The following ZPBP variants were observed in gnomAD, a reference collection of about 807,000 sequenced individuals.
ZPBP encodes the protein zona pellucida-binding protein 1.
ZPBP carries 26 observed loss-of-function variants against 44.8 expected under a neutral mutation model. The ratio of observed to expected loss-of-function variants is 0.58; its 90% CI spans 0.43 to 0.81. The LOEUF is 0.81. Ranked by LOEUF, ZPBP falls within the 30% of genes least tolerant of loss-of-function variation. ZPBP has a pLI of 0.00. For missense variants in ZPBP, 409 were observed against 434.0 expected, an observed-to-expected ratio of 0.94 and a Z score of 0.51; for synonymous variants, 174 against 153.2, an observed-to-expected ratio of 1.14 and a Z score of -1.00.
At position 50,057,995 on chromosome 7, in the gene ZPBP, T is replaced by C. The variant is rs374608453; in HGVS notation, c.481A>G (p.Ile161Val). 3.7e-6 allele frequency: 6 copies of C among 1,609,176 alleles called. No homozygotes were observed. In the South Asian group the frequency reaches 4.4e-5, roughly 12 times the overall value. ...AACTAACTTTACTTCTTACCATATA[T>C]AGCATATTTTAGTTGAAGACGTTTA... is the stretch of plus-strand genomic sequence containing the variant. ...IVKRLQLKYAIYAYREPHYYY... is the reference protein window; with the variant it reads ...IVKRLQLKYAVYAYREPHYYY... The change falls in exon 4 of 8, where the codon ATA becomes GTA. Residue 161 changes from isoleucine (I) to valine (V), a missense_variant. This residue lies in a region of ZPBP where 367 missense variants were observed against 363.1 expected (regional missense o/e 1.01). Transcript: ENST00000046087.
chr7:49,919,559 T>TA, intron 1 of ZPBP: 1 of 152,282 alleles, frequency 6.6e-6, no homozygotes, highest in South Asian at 2.1e-4. Context: ...GAGGATTAAA[T>TA]AAAAAATCCT....
intron 2 of ZPBP, among the ~76,000 whole-genome samples, chr7:49,866,359 A>AC (rs1790890508): frequency 1.3e-5 from 2 of 151,920 alleles, no homozygotes; most frequent in Admixed American, 6.6e-5. Context: ...TGCTTTTCTA[A>AC]CCCCTGCCTT....
intron 2 of ZPBP, among the ~76,000 whole-genome samples, chr7:49,855,968 G>A (rs1314316942): frequency 1.3e-5 from 2 of 152,208 alleles, no homozygotes; most frequent in African/African-American, 4.8e-5. Context: ...GTTTGCTGCT[G>A]TGAGAAAGGG....
chr7:49,889,743 A>G (rs1792051913), intron 2 of ZPBP, among the ~76,000 whole-genome samples: 1 of 152,214 alleles, frequency 6.6e-6, no homozygotes, highest in South Asian at 2.1e-4. Flanking sequence ...CTTATTGGAA[A>G]TAAACAACAA....
chr7:49,895,571 A>G (rs1425642469), intron 2 of ZPBP, among the ~76,000 whole-genome samples: 1 of 152,240 alleles, frequency 6.6e-6, no homozygotes, highest in African/African-American at 2.4e-5. Flanking sequence ...TATATCCTAT[A>G]GCAATTTCAA....
intron 7 of ZPBP, among the ~76,000 whole-genome samples, chr7:49,952,047 T>C (rs1172436151): frequency 6.6e-6 from 1 of 151,912 alleles, no homozygotes; most frequent in Non-Finnish European, 1.5e-5. Flanking sequence ...ATAGTGATAG[T>C]TGCCAGGGGG....
chr7:50,017,762 G>A (rs1798887543), intron 6 of ZPBP, among the ~76,000 whole-genome samples: 1 of 151,994 alleles, frequency 6.6e-6, no homozygotes, highest in Non-Finnish European at 1.5e-5. Flanking sequence ...CATTGAACAT[G>A]AACAATATGT....
intron 7 of ZPBP, chr7:49,943,190 A>G: frequency 3.2e-6 from 1 of 316,016 alleles, no homozygotes. Flanking sequence ...AGTCCTCAGC[A>G]TTCTCCCAAG....
At chr7:49,908,555 A>T (rs1415742749) in intron 1 of ZPBP, among the ~76,000 whole-genome samples, 1 of 152,076 alleles carries the variant, frequency 6.6e-6, no homozygotes, top group African/African-American at 2.4e-5. Context: ...AATTTTTAAA[A>T]ATGTATGTGT....
chr7:49,943,034 G>A, intron 7 of ZPBP: 1 of 291,566 alleles, frequency 3.4e-6, no homozygotes, highest in Non-Finnish European at 6.7e-6. Flanking sequence ...GGGGGCCACA[G>A]GTGACTCTCC....
At position 50,081,872 on chromosome 7, in the gene ZPBP, T is replaced by C. The variant is rs1348026820; in HGVS notation, c.236A>G (p.Lys79Arg). 1.9e-6 allele frequency: 3 copies of C among 1,611,312 alleles called. No homozygotes were observed. Among genetic ancestry groups the C allele is most frequent in the Admixed American group, 3.3e-5 (2 of 59,784 alleles). ...CGTTACACATAACACGTGTGGACTC[T>C]TTTGATGGAGCATGACATACGCTTT... The part of the protein sequence containing the change: ...PVKAYVMLHQ[K>R]SPHVLCVTQQ... The change falls in exon 3 of 8, where the codon AAG (lysine) becomes AGG (arginine). Residue 79 changes from lysine (K) to arginine (R), a missense_variant. Physicochemically the swap from Lys to Arg is conservative, Grantham distance 26. Coordinates refer to ENST00000046087, the MANE Select transcript of ZPBP (RefSeq NM_007009.3).
At chr7:49,972,579 T>G (rs1163216490) in intron 7 of ZPBP, among the ~76,000 whole-genome samples, 1 of 151,974 alleles carries the variant, frequency 6.6e-6, no homozygotes, top group Non-Finnish European at 1.5e-5. Context: ...TGAAACAAAT[T>G]AACTCATAAA....
intron 6 of ZPBP, among the ~76,000 whole-genome samples, chr7:50,008,775 T>C (rs1412056269): frequency 6.6e-6 from 1 of 152,098 alleles, no homozygotes; most frequent in Non-Finnish European, 1.5e-5. Context: ...AAAAGATGAA[T>C]GCCTTCCCCA....
intron 6 of ZPBP, among the ~76,000 whole-genome samples, chr7:50,005,260 G>A (rs1428528437): frequency 6.6e-6 from 1 of 151,980 alleles, no homozygotes; most frequent in Non-Finnish European, 1.5e-5. Flanking sequence ...ACCACCAGCA[G>A]AGTGTGTCTA....
chr7:49,999,915 C>T (rs961031364), intron 6 of ZPBP, among the ~76,000 whole-genome samples: 7 of 152,074 alleles, frequency 4.6e-5, no homozygotes, highest in African/African-American at 1.2e-4. Context: ...GGATAATAAT[C>T]GATCTTTCTT....
chr7:49,857,455 A>G (rs1790473147), intron 2 of ZPBP, among the ~76,000 whole-genome samples: 2 of 152,154 alleles, frequency 1.3e-5, no homozygotes, highest in Non-Finnish European at 2.9e-5. Flanking sequence ...AGTTGTTTCC[A>G]TATCTTAGGT....
At chr7:49,877,307 C>A (rs1163308483) in intron 2 of ZPBP, among the ~76,000 whole-genome samples, 1 of 149,862 alleles carries the variant, frequency 6.7e-6, no homozygotes, top group Admixed American at 6.7e-5. Context: ...ACTAAAAATA[C>A]AAAAATTAGC....
intron 2 of ZPBP, among the ~76,000 whole-genome samples, chr7:49,875,865 C>G (rs922378010): frequency 6.6e-6 from 1 of 152,116 alleles, no homozygotes; most frequent in African/African-American, 2.4e-5. Context: ...CAAGAGAATC[C>G]TGCTTGGTTT....
intron 7 of ZPBP, among the ~76,000 whole-genome samples, chr7:49,939,607 T>C (rs1372440599): frequency 6.6e-6 from 1 of 152,108 alleles, no homozygotes; most frequent in Non-Finnish European, 1.5e-5. Context: ...TTATGAACTT[T>C]GGATAGGAAA....
Sources: gnomAD v4.1 joint callset for allele counts (sites outside exome capture counted in the v4.1 genomes callset) on GRCh38, gnomAD v4.1.1 for gene constraint, gnomAD v4.1.1 regional missense constraint, MANE v1.5 for transcripts, NCBI Gene and HGNC (gene_info 2026-07-23, HGNC 2026-07-21) for gene names.